The following SLC17A1 variants were observed in gnomAD, a reference collection of about 807,000 sequenced individuals.
SLC17A1 encodes the protein solute carrier family 17 member 1.
Under a neutral mutation model 53.5 loss-of-function variants are expected in SLC17A1, and 51 were observed. The ratio of observed to expected loss-of-function variants is 0.95; its 90% CI spans 0.76 to 1.20. The LOEUF (loss-of-function observed/expected upper bound fraction) is 1.20, where lower values mean the gene tolerates loss of function less well. Among genes scored for constraint, SLC17A1 ranks in the 50% most tolerant of loss-of-function variants. SLC17A1 has a pLI of 0.00. For synonymous variants in SLC17A1, 179 were observed against 198.8 expected (o/e 0.90, Z 0.84); for missense variants, 538 against 568.2 (o/e 0.95, Z 0.54).
intron 12 of SLC17A1, among the ~76,000 whole-genome samples, chr6:25,793,432 A>C (rs570239404): frequency 1.3e-5 from 2 of 152,106 alleles, no homozygotes; most frequent in Non-Finnish European, 2.9e-5. Flanking sequence ...GAGGCACATT[A>C]TTTTTTATCC....
the SLC17A1 span, among the ~76,000 whole-genome samples, chr6:25,748,391 C>T: frequency 6.6e-6 from 1 of 152,004 alleles, no homozygotes; most frequent in Non-Finnish European, 1.5e-5. Flanking sequence ...AATAAAACAC[C>T]ATAAGAAATT....
chr6:25,776,998 T>C, the SLC17A1 span: 7 of 1,569,166 alleles, frequency 4.5e-6, no homozygotes, highest in African/African-American at 2.7e-5. Flanking sequence ...AGACACTCAA[T>C]TCAAGTCTAG....
chr6:25,801,161 G>T (rs1241288529), intron 10 of SLC17A1, among the ~76,000 whole-genome samples, 181 bp from the exon 11 acceptor site: 3 of 152,154 alleles, frequency 2.0e-5, no homozygotes, highest in Non-Finnish European at 2.9e-5. Flanking sequence ...TCACCACAGA[G>T]TCAGAAAGGT....
At chr6:25,742,009 G>A in the SLC17A1 span, among the ~76,000 whole-genome samples, 1 of 152,160 alleles carries the variant, frequency 6.6e-6, no homozygotes, top group East Asian at 1.9e-4. Flanking sequence ...AGCTGGGTGA[G>A]GGAGCATTCA....
chr6:25,793,839 A>T (rs146997536), intron 12 of SLC17A1, among the ~76,000 whole-genome samples: 129 of 152,358 alleles, frequency 8.5e-4, no homozygotes, highest in African/African-American at 3.0e-3. Flanking sequence ...GGACTTAGAT[A>T]TCAATAAAAA....
chr6:25,730,967 C>T, the SLC17A1 span, among the ~76,000 whole-genome samples: 1 of 152,046 alleles, frequency 6.6e-6, no homozygotes, highest in Non-Finnish European at 1.5e-5. Flanking sequence ...TGAACAGAGA[C>T]TATTAGGGAA....
At position 25,826,496 on chromosome 6, in the gene SLC17A1, T is replaced by A; in HGVS notation, c.172A>T (p.Asn58Tyr). 6.2e-7 allele frequency: 1 copy of A among 1,610,630 alleles called. No individual in the cohort carries two copies. The highest frequency in any genetic ancestry group is 8.5e-7 in the Non-Finnish European group (1 of 1,178,222). ...VNSTDPHGLPNTSTKKLLDNI... is the reference protein window; with the variant it reads ...VNSTDPHGLPYTSTKKLLDNI... ...TCCAGGAGCTTCTTTGTGGAGGTGT[T>A]GGGCAAACCATGTGGATCTGTGCTA... Residue 58 changes from asparagine to tyrosine, a missense_variant, in exon 3 of 13, where the codon AAC (asparagine) becomes TAC (tyrosine). Asn to Tyr is a moderately radical substitution (Grantham distance 143, BLOSUM62 -2). Coordinates refer to ENST00000244527, the MANE Select transcript of SLC17A1 (RefSeq NM_005074.5).
intron 12 of SLC17A1, among the ~76,000 whole-genome samples, chr6:25,794,767 TG>T (rs1763570735): frequency 6.6e-6 from 1 of 152,010 alleles, no homozygotes; most frequent in Non-Finnish European, 1.5e-5. Flanking sequence ...TGGGTGAGGC[TG>T]GGTAGGAGGC....
chr6:25,773,416 C>T, the SLC17A1 span: 2 of 1,612,058 alleles, frequency 1.2e-6, no homozygotes, highest in Non-Finnish European at 1.7e-6. Context: ...ACTCCTCTGA[C>T]ATTTCTCTAT....
downstream of SLC17A1, chr6:25,779,417 C>A (rs1763195960): frequency 4.3e-6 from 2 of 469,344 alleles, no homozygotes; most frequent in Non-Finnish European, 7.3e-6. Flanking sequence ...GTTCTCCACT[C>A]TTCCACTGTT....
chr6:25,769,740 A>G, the SLC17A1 span, among the ~76,000 whole-genome samples: 1 of 152,038 alleles, frequency 6.6e-6, no homozygotes, highest in Non-Finnish European at 1.5e-5. Context: ...ATCACTACAA[A>G]ATATGTTTCA....
chr6:25,776,938 A>G, the SLC17A1 span: 1 of 1,612,928 alleles, frequency 6.2e-7, no homozygotes, highest in African/African-American at 1.3e-5. Flanking sequence ...GCCCTTGTTA[A>G]CTTCTTGGAT....
rs1764168025 is a variant in SLC17A1, at chr6:25,811,771, C to T, written c.898-1G>A. 1 of 1,613,420 alleles carries T rather than the reference C, an allele frequency of 6.2e-7. No homozygotes were observed. Among genetic ancestry groups the T allele is most frequent in the African/African-American group, 1.3e-5 (1 of 74,874 alleles). On this transcript the variant is annotated splice_acceptor_variant, in intron 8 of 12. Coordinates refer to ENST00000244527, the MANE Select transcript of SLC17A1 (RefSeq NM_005074.5). LOFTEE classifies it high-confidence loss of function. ...AGGGAAGGGAAGACAAGAACCCATT[C>T]TGAAGAGGAAACATTATTCTTGGAG... is the stretch of plus-strand genomic sequence containing the variant.
chr6:25,801,523 G>A (rs1267767755), intron 10 of SLC17A1, among the ~76,000 whole-genome samples: 1 of 152,188 alleles, frequency 6.6e-6, no homozygotes, highest in Non-Finnish European at 1.5e-5. Context: ...AGATAAAGGG[G>A]TCAAACCCAT....
the SLC17A1 span, chr6:25,726,935 T>G: frequency 5.3e-4 from 857 of 1,613,778 alleles, 10 homozygotes; most frequent in East Asian, 0.018. Context: ...CTAAAGGTGC[T>G]ACCATTTCCA....
the SLC17A1 span, chr6:25,768,836 C>A: frequency 4.0e-6 from 3 of 747,206 alleles, no homozygotes; most frequent in South Asian, 3.6e-5. Context: ...CCCAGGGGAA[C>A]AAAATTCCAC....
intron 12 of SLC17A1, among the ~76,000 whole-genome samples, chr6:25,797,024 C>T (rs1763615385): frequency 6.6e-6 from 1 of 152,212 alleles, no homozygotes; most frequent in Admixed American, 6.5e-5. Flanking sequence ...TTCATCCCTT[C>T]CAGATGAGTC....
chr6:25,726,341 T>C, the SLC17A1 span: 20 of 1,614,106 alleles, frequency 1.2e-5, no homozygotes, highest in Non-Finnish European at 1.6e-5. Context: ...AGCTCAAGGA[T>C]TTCTGCTGTG....
intron 12 of SLC17A1, among the ~76,000 whole-genome samples, chr6:25,787,072 A>C (rs1202640883): frequency 7.0e-6 from 1 of 143,152 alleles, no homozygotes; most frequent in East Asian, 2.0e-4. Flanking sequence ...AAATAAATAA[A>C]TAAGAGTGTG....
Sources: allele counts gnomAD v4.1 joint callset (sites outside exome capture counted in the v4.1 genomes callset), GRCh38; gene constraint gnomAD v4.1.1; transcripts MANE v1.5; gene names NCBI Gene and HGNC (gene_info 2026-07-23, HGNC 2026-07-21).